Variants in RYR2 observed in about 807,000 individuals in gnomAD.
The protein encoded by RYR2 is cardiac muscle ryanodine receptor-calcium release channel.
A neutral mutation model predicts 601.1 loss-of-function variants in RYR2; 227 were observed. The ratio of observed to expected loss-of-function variants is 0.38; its 90% CI spans 0.34 to 0.42. The LOEUF is 0.42. Ranked by LOEUF, RYR2 falls within the 10% of genes least tolerant of loss-of-function variation. The pLI, the probability that RYR2 is intolerant of heterozygous loss-of-function variation, is 1.00. For synonymous variants in RYR2, 2,223 were observed against 2,175.1 expected (o/e 1.02, Z -0.61); for missense variants, 4,646 against 6,156.5 (o/e 0.75, Z 8.21).
At chr1:237,137,016 CAAAAAAAAAAA>C (rs1167110660) in intron 1 of RYR2, among the ~76,000 whole-genome samples, 1 of 41,192 alleles carries the variant, frequency 2.4e-5, no homozygotes. Flanking sequence ...GACTCCATCT[CAAAAAAAAAAA>C]AAAAAAAAAA....
At chr1:237,449,493 CAATT>C (rs1479298241) in intron 14 of RYR2, among the ~76,000 whole-genome samples, 1 of 152,052 alleles carries the variant, frequency 6.6e-6, no homozygotes, top group Non-Finnish European at 1.5e-5. Context: ...TATTTAAAAT[CAATT>C]AGTTTTTAAA....
chr1:237,806,386 G>T (rs899884880), intron 99 of RYR2, 103 bp downstream of exon 99: 3 of 1,201,896 alleles, frequency 2.5e-6, no homozygotes, highest in South Asian at 1.5e-5. Context: ...CAGTTTTAAA[G>T]ATTTTTTTGA....
At chr1:237,749,071 A>G (rs1027769775) in intron 80 of RYR2, among the ~76,000 whole-genome samples, 1 of 152,256 alleles carries the variant, frequency 6.6e-6, no homozygotes, top group Admixed American at 6.5e-5. Flanking sequence ...AGTCCCCCAC[A>G]GATACTAGGA....
intron 58 of RYR2, 130 bp downstream of exon 58, chr1:237,668,088 A>T (rs1684481660): frequency 4.7e-6 from 3 of 644,238 alleles, no homozygotes; most frequent in Non-Finnish European, 7.7e-6. Flanking sequence ...TTGTGCCTGT[A>T]ACAGATTGAA....
Position 237,631,516 on chromosome 1 carries a change from A to G in RYR2, c.6530A>G (p.Asn2177Ser). The G allele has an allele frequency of 6.2e-7, 1 of 1,611,210 alleles. No homozygotes were observed. The highest frequency in any genetic ancestry group is 8.5e-7 in the Non-Finnish European group (1 of 1,178,594). Residue 2177 changes from asparagine to serine, a missense_variant, in exon 42 of 105, where the codon AAC (asparagine) becomes AGC (serine). Asn to Ser is a conservative substitution (Grantham distance 46). Around this residue, in one of 17 missense-constraint regions of RYR2, gnomAD observed 137 missense variants for 273.6 expected, o/e 0.50. Transcript: ENST00000366574. ...MHETVMEVMV[N>S]VLGGGESKEI... ...GAGACTGTGATGGAGGTCATGGTGA[A>G]CGTCCTTGGAGGTGGAGAGTCCAAG... is the stretch of plus-strand genomic sequence containing the variant.
chr1:237,128,096 T>C (rs1443345433), intron 1 of RYR2, among the ~76,000 whole-genome samples: 3 of 152,078 alleles, frequency 2.0e-5, no homozygotes, highest in African/African-American at 4.8e-5. Flanking sequence ...CTGGGCACCA[T>C]TGAGCACTGA....
At position 237,823,304 on chromosome 1, in the gene RYR2, A is replaced by G. The variant is rs1284443944; in HGVS notation, c.14590+4112A>G. Reference sequence around the variant, plus strand: ...AAGTAAAATGCTCCTCAGCAACTGCAAAAGAATGGAAATCATAACAGAGTC... The same window carrying G: ...AAGTAAAATGCTCCTCAGCAACTGCGAAAGAATGGAAATCATAACAGAGTC... On this transcript the variant is annotated intron_variant, in intron 101 of 104. Transcript: ENST00000366574. 2.0e-5 allele frequency among the ~76,000 whole-genome samples: 3 copies of G among 152,234 alleles called. No individual in the cohort carries two copies. The East Asian group carries it at 5.8e-4, about 29-fold the overall frequency.
intron 1 of RYR2, among the ~76,000 whole-genome samples, chr1:237,195,849 G>T (rs1405354088): frequency 6.6e-6 from 1 of 152,164 alleles, no homozygotes; most frequent in Non-Finnish European, 1.5e-5. Flanking sequence ...AATTACCCGG[G>T]AAGTAATGAG....
chr1:237,224,024 T>A (rs964750443), intron 1 of RYR2, among the ~76,000 whole-genome samples: 2 of 152,224 alleles, frequency 1.3e-5, no homozygotes, highest in Admixed American at 6.5e-5. Context: ...TAACTCATCA[T>A]GGATGATTTC....
intron 12 of RYR2, among the ~76,000 whole-genome samples, chr1:237,436,508 C>A (rs1003704000): frequency 3.0e-5 from 3 of 99,054 alleles, no homozygotes; most frequent in African/African-American, 1.2e-4. Flanking sequence ...GCTAACTAAG[C>A]CTGGCCTGGC....
chr1:237,638,959 G>C (rs938979037), intron 45 of RYR2, 56 bp from the exon 46 acceptor site: 9 of 1,567,580 alleles, frequency 5.7e-6, no homozygotes, highest in Non-Finnish European at 7.0e-6. Context: ...ACATTTATTT[G>C]TTCAGAACTT....
intron 20 of RYR2, among the ~76,000 whole-genome samples, chr1:237,497,684 T>G (rs1664217567): frequency 6.6e-6 from 1 of 152,278 alleles, no homozygotes; most frequent in South Asian, 2.1e-4. Flanking sequence ...GGCCTAAAAC[T>G]TATGAAAAAT....
At chr1:237,623,445 G>A (rs75103309) in intron 38 of RYR2, among the ~76,000 whole-genome samples, 1 of 132,338 alleles carries the variant, frequency 7.6e-6, no homozygotes, top group African/African-American at 2.8e-5. Context: ...CCAGGCTGGA[G>A]TGTAGTGGCA....
At chr1:237,241,600 A>G (rs1042212157) in intron 1 of RYR2, among the ~76,000 whole-genome samples, 18 of 152,306 alleles carry the variant, frequency 1.2e-4, no homozygotes, top group African/African-American at 4.3e-4. Flanking sequence ...TAAGAAAGTA[A>G]AGGAATAAAA....
chr1:237,140,816 T>C (rs1385623704), intron 1 of RYR2, among the ~76,000 whole-genome samples: 1 of 152,242 alleles, frequency 6.6e-6, no homozygotes, highest in Non-Finnish European at 1.5e-5. Flanking sequence ...AAAGTCCATC[T>C]ATAATACAAT....
Position 237,684,104 on chromosome 1 carries a change from T to A in RYR2, c.9018-3351T>A, listed in dbSNP as rs187693670. On this transcript the variant is annotated intron_variant, in intron 62 of 104. Transcript: ENST00000366574. ...CACCATGCCCGGCTAATTTTTTTTT[T>A]TTATTATTTTTAGTAGAGATAGGGT... is the stretch of plus-strand genomic sequence containing the variant. Among the ~76,000 whole-genome samples the A allele has an allele frequency of 2.2e-3, 336 of 151,844 alleles. 4 individuals are homozygous for A. Among genetic ancestry groups the A allele is most frequent in the Middle Eastern group, 3.4e-3 (1 of 294 alleles).
intron 8 of RYR2, among the ~76,000 whole-genome samples, chr1:237,377,726 C>G (rs1701157595): frequency 6.6e-6 from 1 of 152,078 alleles, no homozygotes; most frequent in Non-Finnish European, 1.5e-5. Context: ...AATGTAAATG[C>G]AGTCTAATCA....
At chr1:237,435,448 T>C (rs1040416269) in intron 12 of RYR2, among the ~76,000 whole-genome samples, 58 of 152,318 alleles carry the variant, frequency 3.8e-4, no homozygotes, top group African/African-American at 1.3e-3. Context: ...AAAACAGTTA[T>C]ACAAAGTTAC....
chr1:237,604,800 G>C (rs10925469), intron 35 of RYR2, among the ~76,000 whole-genome samples: 52,094 of 151,168 alleles, frequency 0.34, 10,644 homozygotes, highest in Admixed American at 0.47. Context: ...ACACCTCTAT[G>C]CAAATAAACT....
Sources: allele counts gnomAD v4.1 joint callset (sites outside exome capture counted in the v4.1 genomes callset), GRCh38; gene constraint gnomAD v4.1.1; regional missense constraint gnomAD v4.1.1; transcripts MANE v1.5; gene names NCBI Gene and HGNC (gene_info 2026-07-23, HGNC 2026-07-21).